Variants in SHQ1 observed in about 807,000 individuals in gnomAD.
The protein encoded by SHQ1 is protein SHQ1 homolog.
Under a neutral mutation model 53.8 loss-of-function variants are expected in SHQ1, and 49 were observed. That is an observed-to-expected ratio of 0.91 (90% CI 0.72 to 1.16). The LOEUF is 1.16. Among genes scored for constraint, SHQ1 ranks in the 50% most tolerant of loss-of-function variants. The pLI is 0.00. For synonymous variants in SHQ1, 243 were observed against 251.0 expected (o/e 0.97, Z 0.30); for missense variants, 738 against 683.1 (o/e 1.08, Z -0.90).
At chr3:72,779,424 A>T (rs928291664) in intron 10 of SHQ1, among the ~76,000 whole-genome samples, 1 of 152,120 alleles carries the variant, frequency 6.6e-6, no homozygotes, top group African/African-American at 2.4e-5. Context: ...AGGCGAGGTC[A>T]GCCATCTCTC....
At chr3:72,825,399 C>CACACACACA (rs60540652) in intron 5 of SHQ1, among the ~76,000 whole-genome samples, 4 of 149,410 alleles carry the variant, frequency 2.7e-5, no homozygotes, top group African/African-American at 5.0e-5. Context: ...CACACACACA[C>CACACACACA]CATTTTTGGC....
Position 72,841,200 on chromosome 3 carries a change from C to A in SHQ1, c.332-1G>T. ...ACTTCCTCAGGAATCTCAGAAGCAC[C>A]TGAATGTGTTAAATTTTAATTTTTT... On this transcript the variant is annotated splice_acceptor_variant, in intron 3 of 10. Coordinates refer to ENST00000325599, the MANE Select transcript of SHQ1 (RefSeq NM_018130.3). LOFTEE classifies it high-confidence loss of function. 1 of 1,602,042 alleles carries A rather than the reference C, an allele frequency of 6.2e-7. No homozygotes were observed. Among genetic ancestry groups the A allele is most frequent in the African/African-American group, 1.3e-5 (1 of 74,080 alleles).
the SHQ1 span, among the ~76,000 whole-genome samples, chr3:72,740,304 C>T: frequency 1.3e-5 from 2 of 152,204 alleles, no homozygotes; most frequent in East Asian, 3.9e-4. Flanking sequence ...CACAGATAAT[C>T]TCTTTTCTGA....
At chr3:72,804,834 G>A (rs942872187) in intron 9 of SHQ1, among the ~76,000 whole-genome samples, 13 of 152,190 alleles carry the variant, frequency 8.5e-5, no homozygotes, top group Admixed American at 5.9e-4. Context: ...CCCAGGCTGA[G>A]TGACAGAGTG....
the SHQ1 span, among the ~76,000 whole-genome samples, chr3:72,742,783 T>C: frequency 1.3e-5 from 2 of 151,914 alleles, no homozygotes; most frequent in Non-Finnish European, 2.9e-5. Context: ...CACCACCATG[T>C]CCGGCTAATT....
intron 10 of SHQ1, among the ~76,000 whole-genome samples, chr3:72,764,066 T>C (rs1705666632): frequency 6.6e-6 from 1 of 151,936 alleles, no homozygotes; most frequent in Non-Finnish European, 1.5e-5. Flanking sequence ...AAAAGTTTTC[T>C]TTGCGTAATA....
At chr3:72,834,923 G>A (rs1175322437) in intron 4 of SHQ1, among the ~76,000 whole-genome samples, 3 of 152,116 alleles carry the variant, frequency 2.0e-5, no homozygotes, top group Admixed American at 1.3e-4. Flanking sequence ...TTAACACAAT[G>A]CACATTTATT....
At chr3:72,813,486 C>T (rs1172887930) in intron 8 of SHQ1, among the ~76,000 whole-genome samples, 2 of 137,120 alleles carry the variant, frequency 1.5e-5, no homozygotes, top group Non-Finnish European at 3.1e-5. Context: ...AAAAAAAAGG[C>T]CGGGTGCGGT....
chr3:72,735,677 G>C, the SHQ1 span, among the ~76,000 whole-genome samples: 4 of 145,694 alleles, frequency 2.7e-5, no homozygotes, highest in African/African-American at 1.0e-4. Context: ...ACAAGTAACT[G>C]AACTCTGCCC....
chr3:72,829,701 G>A (rs1707769659), intron 5 of SHQ1, among the ~76,000 whole-genome samples: 1 of 152,112 alleles, frequency 6.6e-6, no homozygotes, highest in Admixed American at 6.5e-5. Flanking sequence ...CAAATTTAGA[G>A]TAATGAAAAA....
At chr3:72,838,508 AT>A (rs1708064389) in intron 4 of SHQ1, among the ~76,000 whole-genome samples, 1 of 151,912 alleles carries the variant, frequency 6.6e-6, no homozygotes, top group Non-Finnish European at 1.5e-5. Flanking sequence ...TTCCTTTTTT[AT>A]TTTTTTGAGA....
intron 9 of SHQ1, among the ~76,000 whole-genome samples, chr3:72,797,024 G>T (rs1031903900): frequency 6.6e-6 from 1 of 151,268 alleles, no homozygotes; most frequent in African/African-American, 2.4e-5. Flanking sequence ...CTGGGAGGCC[G>T]AGGCGGGCAG....
chr3:72,829,401 T>A (rs1016473047), intron 5 of SHQ1, among the ~76,000 whole-genome samples: 4 of 152,236 alleles, frequency 2.6e-5, no homozygotes, highest in African/African-American at 4.8e-5. Flanking sequence ...GGAAGCCCCA[T>A]GGACAACACA....
At chr3:72,775,672 C>G (rs970482367) in intron 10 of SHQ1, among the ~76,000 whole-genome samples, 1 of 152,050 alleles carries the variant, frequency 6.6e-6, no homozygotes, top group Non-Finnish European at 1.5e-5. Context: ...AAGCCAAATC[C>G]AGCATCATGT....
intron 6 of SHQ1, among the ~76,000 whole-genome samples, chr3:72,821,061 A>G (rs1575722104): frequency 1.3e-5 from 2 of 152,216 alleles, no homozygotes; most frequent in African/African-American, 2.4e-5. Context: ...ATGCTCTCAG[A>G]GTAACGCACA....
chr3:72,753,840 T>C (rs1705441867), intron 10 of SHQ1, among the ~76,000 whole-genome samples: 1 of 152,208 alleles, frequency 6.6e-6, no homozygotes, highest in African/African-American at 2.4e-5. Flanking sequence ...TTGTAGATAA[T>C]GTCCACCATA....
chr3:72,742,569 G>A, the SHQ1 span, among the ~76,000 whole-genome samples: 2 of 150,806 alleles, frequency 1.3e-5, no homozygotes, highest in African/African-American at 4.9e-5. Flanking sequence ...AACTGAAAAG[G>A]TATCTGTGGT....
chr3:72,788,033 TG>T (rs1706295787), intron 10 of SHQ1, among the ~76,000 whole-genome samples: 3 of 152,210 alleles, frequency 2.0e-5, no homozygotes, highest in Non-Finnish European at 4.4e-5. Flanking sequence ...TTGCCCAGGC[TG>T]GAGTGCAGTG....
chr3:72,842,262 C>T lies in SHQ1; in HGVS notation c.331+18G>A. 6.2e-7 allele frequency: 1 copy of T among 1,610,412 alleles called. No individual in the cohort carries two copies. The highest frequency in any genetic ancestry group is 8.5e-7 in the Non-Finnish European group (1 of 1,177,968). ...ATTTCTATTTATCCTAATTTCCTCCCAACTGTAATAAACATACCTATTTCT... is the reference window on the plus strand; with the variant it reads ...ATTTCTATTTATCCTAATTTCCTCCTAACTGTAATAAACATACCTATTTCT... On this transcript the variant is annotated intron_variant, in intron 3 of 10. Transcript: ENST00000325599.
Sources: allele counts gnomAD v4.1 joint callset (sites outside exome capture counted in the v4.1 genomes callset), GRCh38; gene constraint gnomAD v4.1.1; transcripts MANE v1.5; gene names NCBI Gene and HGNC (gene_info 2026-07-23, HGNC 2026-07-21).